Variants in CSMD3 observed in about 807,000 individuals in gnomAD.
The protein encoded by CSMD3 is CUB and sushi domain-containing protein 3.
In CSMD3, 177 loss-of-function variants were observed where a neutral mutation model predicts 435.2. The observed-to-expected ratio is 0.41, with a 90% confidence interval of 0.36 to 0.46. The LOEUF is 0.46. Among genes scored for constraint, CSMD3 ranks in the 20% least tolerant of loss-of-function variants. CSMD3 has a pLI of 0.34. For synonymous variants in CSMD3, 1,656 were observed against 1,520.5 expected (o/e 1.09, Z -2.07); for missense variants, 4,265 against 4,504.6 (o/e 0.95, Z 1.52).
At position 113,285,562 on chromosome 8, in the gene CSMD3, T is replaced by C. The variant is rs111504835; in HGVS notation, c.402-6858A>G. Among the ~76,000 whole-genome samples the C allele has an allele frequency of 4.6e-3, 699 of 152,250 alleles. 4 individuals are homozygous for C. Among genetic ancestry groups the C allele is most frequent in the Non-Finnish European group, 7.2e-3 (489 of 68,000 alleles). On this transcript the variant is annotated intron_variant, in intron 2 of 70. Transcript: ENST00000297405. ...GCGTGAGCCACCCCGCCCCGCCAGT[T>C]GGTGACACCTTTATAGCGAAAACTG... is the stretch of plus-strand genomic sequence containing the variant.
At chr8:112,265,196 TACTC>T (rs1816822210) in intron 60 of CSMD3, among the ~76,000 whole-genome samples, 1 of 151,954 alleles carries the variant, frequency 6.6e-6, no homozygotes, top group Admixed American at 6.6e-5. Flanking sequence ...TTATTGTCAT[TACTC>T]ACAATAAGAT....
chr8:113,259,823 A>G (rs138947114), intron 3 of CSMD3, among the ~76,000 whole-genome samples: 1 of 152,250 alleles, frequency 6.6e-6, no homozygotes, highest in Non-Finnish European at 1.5e-5. Context: ...CAAGGGTTGT[A>G]TAAGAGCAGT....
At chr8:112,425,092 C>A (rs946119772) in intron 32 of CSMD3, among the ~76,000 whole-genome samples, 1 of 152,154 alleles carries the variant, frequency 6.6e-6, no homozygotes, top group Non-Finnish European at 1.5e-5. Flanking sequence ...GTTAAAAATT[C>A]TTTACAGTTA....
At chr8:113,214,474 A>G (rs2092877703) in intron 3 of CSMD3, among the ~76,000 whole-genome samples, 1 of 152,010 alleles carries the variant, frequency 6.6e-6, no homozygotes, top group Non-Finnish European at 1.5e-5. Flanking sequence ...TATAAGGATC[A>G]CAATTTCTAT....
chr8:112,971,969 G>A (rs2084673661), intron 7 of CSMD3, among the ~76,000 whole-genome samples: 1 of 151,950 alleles, frequency 6.6e-6, no homozygotes, highest in Non-Finnish European at 1.5e-5. Context: ...AATATTTTAA[G>A]TTTTTCCAGA....
intron 41 of CSMD3, 101 bp downstream of exon 41, chr8:112,345,996 A>G: frequency 1.2e-6 from 1 of 801,924 alleles, no homozygotes; most frequent in Non-Finnish European, 2.2e-6. Context: ...CTAAACTGCA[A>G]TTTGTGAAGA....
At chr8:113,256,558 T>C (rs555001190) in intron 3 of CSMD3, among the ~76,000 whole-genome samples, 1 of 152,198 alleles carries the variant, frequency 6.6e-6, no homozygotes, top group Non-Finnish European at 1.5e-5. Context: ...AACTTTACAA[T>C]TGTCAAGAAT....
intron 32 of CSMD3, among the ~76,000 whole-genome samples, chr8:112,465,822 A>C (rs573968611): frequency 6.6e-6 from 1 of 152,120 alleles, no homozygotes; most frequent in African/African-American, 2.4e-5. Context: ...TAAAAATACA[A>C]AAATTAGCTG....
At chr8:113,328,639 T>C (rs2094002324) in intron 1 of CSMD3, among the ~76,000 whole-genome samples, 2 of 151,426 alleles carry the variant, frequency 1.3e-5, no homozygotes, top group Admixed American at 1.3e-4. Flanking sequence ...CAGCAAAACC[T>C]GGAAGGGTGA....
intron 3 of CSMD3, among the ~76,000 whole-genome samples, chr8:113,257,804 C>T (rs754727354): frequency 1.3e-5 from 2 of 152,050 alleles, no homozygotes; most frequent in Non-Finnish European, 2.9e-5. Context: ...ACATAAATTG[C>T]TCACATCAAC....
intron 3 of CSMD3, among the ~76,000 whole-genome samples, chr8:113,208,918 T>G (rs1234780744): frequency 6.6e-6 from 1 of 152,144 alleles, no homozygotes; most frequent in African/African-American, 2.4e-5. Flanking sequence ...AGCAAAATAT[T>G]TTTTCATTTT....
In CSMD3 at chr8:113,423,914, A is replaced by G. The variant is rs527698277; in HGVS notation, c.178+12763T>C. ...AAATAGAAATTCACATAGATATGGA[A>G]GTGCATAGTTCTGATCTTACATTAA... On this transcript the variant is annotated intron_variant, in intron 1 of 70. Transcript: ENST00000297405. Among the ~76,000 whole-genome samples, 36 of 152,032 alleles carry G rather than the reference A, an allele frequency of 2.4e-4. 1 individual carries two copies. In the South Asian group the frequency reaches 7.5e-3, roughly 31 times the overall value.
chr8:112,594,415 C>A (rs1416614260), intron 22 of CSMD3, among the ~76,000 whole-genome samples: 1 of 152,140 alleles, frequency 6.6e-6, no homozygotes, highest in Non-Finnish European at 1.5e-5. Context: ...TGAGATCAAA[C>A]TGCAAGGCGG....
intron 6 of CSMD3, among the ~76,000 whole-genome samples, chr8:112,995,874 T>A (rs1329654675): frequency 6.6e-6 from 1 of 151,542 alleles, no homozygotes; most frequent in African/African-American, 2.4e-5. Context: ...TGAAAAATCA[T>A]ATTCTGTCTC....
intron 1 of CSMD3, among the ~76,000 whole-genome samples, chr8:113,349,401 T>A (rs1254983393): frequency 6.6e-6 from 1 of 152,152 alleles, no homozygotes; most frequent in Non-Finnish European, 1.5e-5. Flanking sequence ...GAAGATGTGC[T>A]AAATGGCATA....
At chr8:113,285,623 C>A (rs931862899) in intron 2 of CSMD3, among the ~76,000 whole-genome samples, 14 of 152,100 alleles carry the variant, frequency 9.2e-5, no homozygotes, top group African/African-American at 3.4e-4. Flanking sequence ...ACTGGGAAAA[C>A]TAAGTAAGAT....
chr8:112,536,847 T>A (rs529606366), intron 27 of CSMD3, among the ~76,000 whole-genome samples: 41 of 151,962 alleles, frequency 2.7e-4, no homozygotes, highest in Admixed American at 1.7e-3. Context: ...CCATAAAAAA[T>A]GATGAGTTCA....
intron 11 of CSMD3, among the ~76,000 whole-genome samples, chr8:112,858,191 A>C (rs1359523040): frequency 6.6e-6 from 1 of 151,732 alleles, no homozygotes; most frequent in African/African-American, 2.4e-5. Context: ...ATGAATTAAT[A>C]ATGTATTTCA....
intron 35 of CSMD3, among the ~76,000 whole-genome samples, chr8:112,402,476 T>C (rs1831428014): frequency 6.6e-6 from 1 of 152,176 alleles, no homozygotes; most frequent in South Asian, 2.1e-4. Context: ...AAAAGGGTTT[T>C]TGATGATATT....
Sources: allele counts gnomAD v4.1 joint callset (sites outside exome capture counted in the v4.1 genomes callset), GRCh38; gene constraint gnomAD v4.1.1; transcripts MANE v1.5; gene names NCBI Gene and HGNC (gene_info 2026-07-23, HGNC 2026-07-21).